Variants in HDAC9 observed in about 807,000 individuals in gnomAD.
HDAC9 encodes the protein MEF-2 interacting transcription repressor (MITR) protein.
Under a neutral mutation model 139.4 loss-of-function variants are expected in HDAC9, and 41 were observed. That is an observed-to-expected ratio of 0.29 (90% CI 0.23 to 0.38). HDAC9 has a LOEUF of 0.38. Ranked by LOEUF, HDAC9 falls within the 10% of genes least tolerant of loss-of-function variation. The probability of loss-of-function intolerance (pLI) is 1.00; values close to 1 mark genes in which losing one functional copy is unlikely to be tolerated. For missense variants in HDAC9, 1,147 were observed against 1,297.0 expected, an observed-to-expected ratio of 0.88 and a Z score of 1.78; for synonymous variants, 517 against 476.2, an observed-to-expected ratio of 1.09 and a Z score of -1.12.
At chr7:18,167,348 ATAAG>A (rs1390546457) in intron 2 of HDAC9, among the ~76,000 whole-genome samples, 3 of 152,198 alleles carry the variant, frequency 2.0e-5, no homozygotes, top group African/African-American at 7.2e-5. Context: ...CAGTGCTTTA[ATAAG>A]TGAGGCATAA....
At chr7:18,436,736 A>G (rs1468064439) in intron 1 of HDAC9, among the ~76,000 whole-genome samples, 1 of 152,222 alleles carries the variant, frequency 6.6e-6, no homozygotes, top group Non-Finnish European at 1.5e-5. Context: ...TTATAGTTAA[A>G]TCATCTCTGT....
chr7:18,963,280 A>G (rs138842255), intron 24 of HDAC9, among the ~76,000 whole-genome samples: 15 of 152,314 alleles, frequency 9.8e-5, no homozygotes, highest in African/African-American at 3.6e-4. Flanking sequence ...ATCCGCATCA[A>G]AGGGATATGA....
rs115490748 is a variant in HDAC9 at position 18,574,007 on chromosome 7, T to C, written c.23-11274T>C. Among the ~76,000 whole-genome samples, 597 of 152,338 alleles carry C rather than the reference T, an allele frequency of 3.9e-3. 6 individuals carry two copies. The highest frequency in any genetic ancestry group is 0.014 in the African/African-American group (586 of 41,590). On this transcript the variant is annotated intron_variant, in intron 2 of 25. Transcript: ENST00000686413. ...CACCATTTGATGTGTCCCGAGTTCTTGTTTCATACCCAGGAAGAATGAGGT... is the reference window on the plus strand; with the variant it reads ...CACCATTTGATGTGTCCCGAGTTCTCGTTTCATACCCAGGAAGAATGAGGT...
At chr7:18,974,500 G>C (rs559814987) in intron 24 of HDAC9, among the ~76,000 whole-genome samples, 1 of 152,282 alleles carries the variant, frequency 6.6e-6, no homozygotes, top group East Asian at 1.9e-4. Context: ...AAAAGCCTTA[G>C]CTTCTACAAA....
At chr7:18,655,076 T>A (rs938891768) in intron 11 of HDAC9, among the ~76,000 whole-genome samples, 2 of 152,210 alleles carry the variant, frequency 1.3e-5, no homozygotes, top group African/African-American at 2.4e-5. Flanking sequence ...CAGGTTCAAC[T>A]GAAATGCAAA....
At chr7:18,865,847 AT>A (rs1019877133) in intron 21 of HDAC9, among the ~76,000 whole-genome samples, 2 of 151,892 alleles carry the variant, frequency 1.3e-5, no homozygotes, top group Non-Finnish European at 2.9e-5. Context: ...TTGAAAAGGT[AT>A]AATTTTATAA....
intron 2 of HDAC9, among the ~76,000 whole-genome samples, chr7:18,253,659 T>C (rs1474291041): frequency 6.6e-6 from 1 of 152,196 alleles, no homozygotes; most frequent in African/African-American, 2.4e-5. Flanking sequence ...CATGTCACCA[T>C]CCAGTTTGAG....
intron 21 of HDAC9, among the ~76,000 whole-genome samples, chr7:18,874,063 T>A (rs976854314): frequency 6.6e-6 from 1 of 152,056 alleles, no homozygotes; most frequent in African/African-American, 2.4e-5. Flanking sequence ...AGTTCAAATT[T>A]ACACCAAGTT....
intron 1 of HDAC9, among the ~76,000 whole-genome samples, chr7:18,313,477 T>C (rs1408878841): frequency 6.6e-6 from 1 of 152,196 alleles, no homozygotes; most frequent in African/African-American, 2.4e-5. Flanking sequence ...CAGATCCAAA[T>C]ACTTAGTTCA....
intron 14 of HDAC9, among the ~76,000 whole-genome samples, chr7:18,757,562 A>AT (rs1274603589): frequency 6.6e-6 from 1 of 152,016 alleles, no homozygotes; most frequent in Non-Finnish European, 1.5e-5. Context: ...TTTTATCATG[A>AT]TTTTTTGCCC....
intron 1 of HDAC9, among the ~76,000 whole-genome samples, chr7:18,350,841 G>A (rs1027251455): frequency 3.3e-5 from 5 of 152,152 alleles, no homozygotes; most frequent in Admixed American, 6.5e-5. Flanking sequence ...TCCCCATAAC[G>A]ACACTGGGCA....
intron 25 of HDAC9, among the ~76,000 whole-genome samples, chr7:18,991,799 T>C (rs551024633): frequency 6.6e-6 from 1 of 152,338 alleles, no homozygotes; most frequent in South Asian, 2.1e-4. Flanking sequence ...AAATGCAAAT[T>C]TGAATAACAA....
rs190765659 is a variant in HDAC9 at position 18,089,266 on chromosome 7, G to A, written c.-97+2053G>A. On this transcript the variant is annotated intron_variant, in intron 1 of 12. Coordinates refer to the HDAC9 transcript ENST00000417496. ...TTTCTTTCTGCAGTTCAGCCTGTTG[G>A]GCTGGCCTTTATTGGAGAGTCAGAC... 9.1e-4 allele frequency among the ~76,000 whole-genome samples: 139 copies of A among 151,954 alleles called. 1 individual carries two copies. Among genetic ancestry groups the A allele is most frequent in the Non-Finnish European group, 4.0e-4 (27 of 67,938 alleles).
intron 1 of HDAC9, among the ~76,000 whole-genome samples, chr7:18,449,432 G>C (rs866598126): frequency 6.6e-6 from 1 of 152,128 alleles, no homozygotes; most frequent in East Asian, 1.9e-4. Flanking sequence ...CTAACATGGG[G>C]TGTTAAAAGT....
At chr7:18,294,725 TA>T (rs773296133) in intron 1 of HDAC9, among the ~76,000 whole-genome samples, 2 of 152,112 alleles carry the variant, frequency 1.3e-5, no homozygotes, top group Non-Finnish European at 2.9e-5. Flanking sequence ...ATGACCTGAA[TA>T]ATATTTTTAA....
At chr7:18,897,958 C>T (rs1801365684) in intron 22 of HDAC9, among the ~76,000 whole-genome samples, 1 of 151,734 alleles carries the variant, frequency 6.6e-6, no homozygotes, top group South Asian at 2.1e-4. Flanking sequence ...TTAAAATGTT[C>T]CCTATAAGTC....
rs1037969807 is a variant in HDAC9 at position 18,378,391 on chromosome 7, TTATGTG to T, written c.-42+87880_-42+87885del. On this transcript the variant is annotated intron_variant, in intron 1 of 3. Coordinates refer to the HDAC9 transcript ENST00000413509. The stretch of plus-strand genomic sequence containing the variant: ...TTTTTAATAAATTATATAAAAAACT[TTATGTG>T]TATACTTAGAAACTACATTTATTTT... 6.9e-4 allele frequency among the ~76,000 whole-genome samples: 105 copies of T among 152,118 alleles called. 1 individual carries two copies. The highest frequency in any genetic ancestry group is 2.2e-3 in the Admixed American group (33 of 15,282).
chr7:18,309,516 C>G (rs1241435442), intron 1 of HDAC9, among the ~76,000 whole-genome samples: 1 of 152,122 alleles, frequency 6.6e-6, no homozygotes, highest in African/African-American at 2.4e-5. Context: ...AAAATAACAT[C>G]CTTCCATTCT....
At chr7:18,840,537 T>A (rs1203140696) in intron 21 of HDAC9, among the ~76,000 whole-genome samples, 1 of 152,074 alleles carries the variant, frequency 6.6e-6, no homozygotes, top group African/African-American at 2.4e-5. Context: ...ATTTTTATTT[T>A]ATTGACTTAT....
Sources: gnomAD v4.1 joint callset for allele counts (sites outside exome capture counted in the v4.1 genomes callset) on GRCh38, gnomAD v4.1.1 for gene constraint, MANE v1.5 for transcripts, NCBI Gene and HGNC (gene_info 2026-07-23, HGNC 2026-07-21) for gene names.